ADGRL3: variants seen among roughly 807,000 people sequenced by gnomAD.
ADGRL3 encodes calcium-independent alpha-latrotoxin receptor 3.
Under a neutral mutation model 153.5 loss-of-function variants are expected in ADGRL3, and 62 were observed. That is an observed-to-expected ratio of 0.40 (90% confidence interval 0.33 to 0.50). ADGRL3 has a LOEUF of 0.50. Ranked by LOEUF, ADGRL3 falls within the 20% of genes least tolerant of loss-of-function variation. The probability of loss-of-function intolerance (pLI) is 0.47; values close to 1 mark genes in which losing one functional copy is unlikely to be tolerated. For missense variants in ADGRL3, 1,641 were observed against 1,859.4 expected (o/e 0.88, Z 2.16); for synonymous variants, 710 against 672.5 (o/e 1.06, Z -0.86).
At chr4:61,364,829 G>A (rs1179614588) in intron 1 of ADGRL3, among the ~76,000 whole-genome samples, 1 of 152,120 alleles carries the variant, frequency 6.6e-6, no homozygotes, top group Non-Finnish European at 1.5e-5. Context: ...GTTTGTGGAG[G>A]TCTTTTCTCT....
At chr4:61,237,686 T>G (rs1028816783) in intron 1 of ADGRL3, among the ~76,000 whole-genome samples, 1 of 152,208 alleles carries the variant, frequency 6.6e-6, no homozygotes, top group South Asian at 2.1e-4. Flanking sequence ...TCTGCAGTTA[T>G]TAGTATTCTG....
intron 1 of ADGRL3, among the ~76,000 whole-genome samples, chr4:61,321,892 A>G (rs2095363964): frequency 6.6e-6 from 1 of 152,156 alleles, no homozygotes; most frequent in African/African-American, 2.4e-5. Context: ...GTTAGGAGGA[A>G]GGAGGTAGAT....
intron 8 of ADGRL3, among the ~76,000 whole-genome samples, chr4:61,759,124 A>T (rs564904132): frequency 6.6e-6 from 1 of 152,016 alleles, no homozygotes; most frequent in South Asian, 2.1e-4. Flanking sequence ...TTTTTCCTTC[A>T]TTTCAACTTT....
At chr4:61,517,673 ATTT>A (rs373010574) in intron 4 of ADGRL3, among the ~76,000 whole-genome samples, 155 bp downstream of exon 4, 16 of 148,312 alleles carry the variant, frequency 1.1e-4, no homozygotes, top group East Asian at 3.9e-4. Flanking sequence ...TATCCTGGCC[ATTT>A]TTTTTTTAAG....
intron 2 of ADGRL3, among the ~76,000 whole-genome samples, chr4:61,461,493 T>G (rs1458923801): frequency 6.6e-6 from 1 of 152,264 alleles, no homozygotes; most frequent in Admixed American, 6.5e-5. Flanking sequence ...ACTCTCTAAA[T>G]ATGTACAATT....
chr4:61,273,593 A>G (rs543702041), intron 1 of ADGRL3, among the ~76,000 whole-genome samples: 46 of 152,370 alleles, frequency 3.0e-4, no homozygotes, highest in African/African-American at 1.0e-3. Flanking sequence ...AAGTAGCATT[A>G]GAAAATGTGC....
At position 61,987,300 on chromosome 4, in the gene ADGRL3, A is replaced by G. The variant is rs141374995; in HGVS notation, c.3236+3697A>G. Among the ~76,000 whole-genome samples the G allele has an allele frequency of 1.2e-3, 177 of 151,826 alleles. 2 individuals carry two copies. The East Asian group carries it at 0.03, about 26-fold the overall frequency. On this transcript the variant is annotated intron_variant, in intron 19 of 26. Transcript: ENST00000683033. ...CCTGACTCAGCCTCCCGAGCAGCCG[A>G]GTAGCTGGGATTACAGGCATGCACC...
chr4:61,649,013 C>G (rs970626596), intron 5 of ADGRL3, among the ~76,000 whole-genome samples: 1 of 151,696 alleles, frequency 6.6e-6, no homozygotes, highest in Admixed American at 6.6e-5. Context: ...CCCAGCAACC[C>G]CAAATCTAAT....
chr4:61,769,266 T>C (rs1048940047), intron 8 of ADGRL3, among the ~76,000 whole-genome samples: 1 of 151,994 alleles, frequency 6.6e-6, no homozygotes, highest in African/African-American at 2.4e-5. Flanking sequence ...CTTTTGTCTC[T>C]ACCAGAAAAT....
At chr4:61,461,595 C>A (rs1246906855) in intron 2 of ADGRL3, among the ~76,000 whole-genome samples, 1 of 152,012 alleles carries the variant, frequency 6.6e-6, no homozygotes, top group African/African-American at 2.4e-5. Flanking sequence ...GGTTATTTCT[C>A]AAAAACAATG....
chr4:61,280,065 C>A (rs1032416399), intron 1 of ADGRL3, among the ~76,000 whole-genome samples: 1 of 146,712 alleles, frequency 6.8e-6, no homozygotes, highest in Non-Finnish European at 1.5e-5. Flanking sequence ...CAGTTTATTT[C>A]TTTCTTAAAT....
At chr4:61,320,969 T>C (rs1365721688) in intron 1 of ADGRL3, among the ~76,000 whole-genome samples, 1 of 152,170 alleles carries the variant, frequency 6.6e-6, no homozygotes, top group Non-Finnish European at 1.5e-5. Flanking sequence ...CTTTGGCTCA[T>C]GGCTTCCTTC....
chr4:61,590,354 T>A (rs994295915), intron 5 of ADGRL3, among the ~76,000 whole-genome samples: 1 of 146,624 alleles, frequency 6.8e-6, no homozygotes, highest in Non-Finnish European at 1.5e-5. Context: ...TTTCTTTTTG[T>A]TTTTTTATAT....
intron 19 of ADGRL3, among the ~76,000 whole-genome samples, chr4:61,991,306 A>C (rs2150978764): frequency 6.6e-6 from 1 of 152,116 alleles, no homozygotes; most frequent in Admixed American, 6.6e-5. Context: ...TTATATAGGT[A>C]AACTTGTGTC....
chr4:61,564,037 CT>C (rs1420328357), intron 4 of ADGRL3, among the ~76,000 whole-genome samples: 1 of 151,926 alleles, frequency 6.6e-6, no homozygotes, highest in Non-Finnish European at 1.5e-5. Flanking sequence ...AAAATACAAC[CT>C]CATGAACCAA....
intron 5 of ADGRL3, among the ~76,000 whole-genome samples, chr4:61,603,225 G>A (rs2099018867): frequency 6.6e-6 from 1 of 152,106 alleles, no homozygotes; most frequent in Non-Finnish European, 1.5e-5. Flanking sequence ...GGGATTAGAG[G>A]CATTACCAAC....
At chr4:62,031,368 T>C in intron 22 of ADGRL3, 74 bp from the exon 23 acceptor site, 1 of 1,232,480 alleles carries the variant, frequency 8.1e-7, no homozygotes, top group Non-Finnish European at 1.1e-6. Flanking sequence ...TTCAGTGTCG[T>C]ATTGTTGATC....
intron 1 of ADGRL3, among the ~76,000 whole-genome samples, chr4:61,259,093 A>T (rs188442266): frequency 6.6e-6 from 1 of 152,266 alleles, no homozygotes; most frequent in Admixed American, 6.5e-5. Context: ...AAAATCATTC[A>T]CTAGCATCTT....
intron 4 of ADGRL3, among the ~76,000 whole-genome samples, chr4:61,573,364 G>T (rs2098846911): frequency 6.6e-6 from 1 of 151,768 alleles, no homozygotes; most frequent in South Asian, 2.1e-4. Flanking sequence ...CTTAACCATG[G>T]CTCCCTATAA....
Sources: allele counts gnomAD v4.1 joint callset (sites outside exome capture counted in the v4.1 genomes callset), GRCh38; gene constraint gnomAD v4.1.1; transcripts MANE v1.5; gene names NCBI Gene and HGNC (gene_info 2026-07-23, HGNC 2026-07-21).